ATG7: variants seen among roughly 807,000 people sequenced by gnomAD.
The protein encoded by ATG7 is ubiquitin-like modifier-activating enzyme ATG7.
A neutral mutation model predicts 82.4 loss-of-function variants in ATG7; 70 were observed. The ratio of observed to expected loss-of-function variants is 0.85; its 90% CI spans 0.70 to 1.04. ATG7 has a LOEUF of 1.04. ATG7 is among the 50% of genes least tolerant of loss of function. The pLI is 0.00. For missense variants in ATG7, 792 were observed against 864.3 expected (o/e 0.92, Z 1.05); for synonymous variants, 287 against 313.0 (o/e 0.92, Z 0.88).
chr3:11,449,612 G>A (rs2442769), intron 20 of ATG7, among the ~76,000 whole-genome samples: 135,409 of 152,204 alleles, frequency 0.89, 60,545 homozygotes, highest in East Asian at 1. Flanking sequence ...GTTATGGCTC[G>A]CTAAATCAAG....
intron 20 of ATG7, among the ~76,000 whole-genome samples, chr3:11,532,025 A>G (rs2092703176): frequency 6.6e-6 from 1 of 152,192 alleles, no homozygotes; most frequent in African/African-American, 2.4e-5. Context: ...TTTGACTTAG[A>G]AACTAAAATA....
intron 1 of ATG7, among the ~76,000 whole-genome samples, chr3:11,276,156 C>T (rs145470536): frequency 3.3e-5 from 5 of 152,314 alleles, no homozygotes; most frequent in Non-Finnish European, 5.9e-5. Context: ...TTCCTCTCCT[C>T]AACCTCCTAC....
intron 20 of ATG7, among the ~76,000 whole-genome samples, chr3:11,504,982 T>C (rs1398079723): frequency 6.6e-6 from 1 of 152,156 alleles, no homozygotes; most frequent in Non-Finnish European, 1.5e-5. Context: ...ATGGGAAATA[T>C]ATATAATGCC....
chr3:11,298,504 G>A (rs922659282), intron 3 of ATG7, among the ~76,000 whole-genome samples, 182 bp from the exon 4 acceptor site: 16 of 152,148 alleles, frequency 1.1e-4, no homozygotes, highest in South Asian at 4.1e-4. Context: ...AAATAATCAA[G>A]ATGGTAAAGT....
chr3:11,522,957 C>T (rs1379543485), intron 20 of ATG7, among the ~76,000 whole-genome samples: 1 of 152,210 alleles, frequency 6.6e-6, no homozygotes, highest in Non-Finnish European at 1.5e-5. Context: ...TGCTTTTCCT[C>T]TCTCAGCCCT....
intron 20 of ATG7, among the ~76,000 whole-genome samples, chr3:11,540,300 A>G (rs2070710987): frequency 6.6e-6 from 1 of 152,116 alleles, no homozygotes; most frequent in Non-Finnish European, 1.5e-5. Flanking sequence ...TGATGACAAC[A>G]TCTTTCCCGC....
At chr3:11,429,312 A>G (rs887465264) in intron 20 of ATG7, among the ~76,000 whole-genome samples, 1 of 152,066 alleles carries the variant, frequency 6.6e-6, no homozygotes, top group African/African-American at 2.4e-5. Flanking sequence ...CCTGGCCAAC[A>G]TGGTGAAACC....
intron 20 of ATG7, among the ~76,000 whole-genome samples, chr3:11,528,433 T>C (rs1048564309): frequency 6.6e-6 from 1 of 152,190 alleles, no homozygotes; most frequent in Non-Finnish European, 1.5e-5. Context: ...GTGTCAGCCA[T>C]CATCAGAGAC....
intron 19 of ATG7, among the ~76,000 whole-genome samples, chr3:11,413,555 A>G (rs1321039633): frequency 6.6e-6 from 1 of 152,030 alleles, no homozygotes; most frequent in African/African-American, 2.4e-5. Flanking sequence ...TCTAATATGT[A>G]GAAAACTGTA....
chr3:11,565,084 G>T, the ATG7 span: 1 of 1,361,006 alleles, frequency 7.3e-7, no homozygotes. This position sits in a 1 kb window ranked among gnomAD's most constrained non-coding sequence, Gnocchi z 4.1. Context: ...GTGACTGTGC[G>T]CCAGGCACTC....
chr3:11,424,936 A>G (rs1305837299), intron 19 of ATG7, among the ~76,000 whole-genome samples: 1 of 151,978 alleles, frequency 6.6e-6, no homozygotes, highest in Non-Finnish European at 1.5e-5. Flanking sequence ...TGTCAGTACT[A>G]TAGACCTGCC....
At position 11,431,884 on chromosome 3, in the gene ATG7, A is replaced by AT. The variant is rs141381398; in HGVS notation, c.2079+4960dup. Among the ~76,000 whole-genome samples, 274 of 152,336 alleles carry AT rather than the reference A, an allele frequency of 1.8e-3. 2 individuals carry two copies. Among genetic ancestry groups the AT allele is most frequent in the African/African-American group, 6.3e-3 (260 of 41,584 alleles). ...TATAGAAAGGGGCACATAGTAATGA[A>AT]TTGGAAGCCATATCCAAGCTAGAAT... On this transcript the variant is annotated intron_variant, in intron 20 of 20. Transcript: ENST00000693202.
At chr3:11,511,489 A>G (rs1363544271) in intron 20 of ATG7, among the ~76,000 whole-genome samples, 1 of 152,330 alleles carries the variant, frequency 6.6e-6, no homozygotes, top group East Asian at 1.9e-4. Flanking sequence ...CTAGATATAA[A>G]GACTCTCCAT....
At chr3:11,540,672 G>A (rs974392078) in intron 20 of ATG7, among the ~76,000 whole-genome samples, 1 of 151,632 alleles carries the variant, frequency 6.6e-6, no homozygotes, top group Non-Finnish European at 1.5e-5. Context: ...TTCTAGACAT[G>A]AGTTTTTTGG....
intron 6 of ATG7, among the ~76,000 whole-genome samples, chr3:11,307,818 G>A (rs908221109): frequency 6.6e-6 from 1 of 152,196 alleles, no homozygotes; most frequent in Admixed American, 6.5e-5. Flanking sequence ...GAATCTTGTT[G>A]GTGTGGGTGC....
chr3:11,296,073 T>C (rs957108791), intron 3 of ATG7, among the ~76,000 whole-genome samples: 2 of 152,200 alleles, frequency 1.3e-5, no homozygotes, highest in Non-Finnish European at 2.9e-5. Flanking sequence ...CCACCGCGCC[T>C]GGCCTACTGG....
chr3:11,288,374 A>G (rs994875007), intron 3 of ATG7, among the ~76,000 whole-genome samples: 15 of 152,164 alleles, frequency 9.9e-5, no homozygotes, highest in Non-Finnish European at 2.1e-4. Context: ...TCTTAATATG[A>G]TCCAGGCACT....
At chr3:11,460,944 A>G (rs1325208465) in intron 20 of ATG7, among the ~76,000 whole-genome samples, 1 of 152,216 alleles carries the variant, frequency 6.6e-6, no homozygotes, top group African/African-American at 2.4e-5. Flanking sequence ...AACATCCTCA[A>G]TATGTCTTTG....
At chr3:11,542,156 G>A (rs1264108852) in intron 20 of ATG7, among the ~76,000 whole-genome samples, 1 of 152,242 alleles carries the variant, frequency 6.6e-6, no homozygotes, top group Admixed American at 6.5e-5. Flanking sequence ...TCCCTCCTCT[G>A]CATGTCACTT....
Sources: gnomAD v4.1 joint callset for allele counts (sites outside exome capture counted in the v4.1 genomes callset) on GRCh38, gnomAD v4.1.1 for gene constraint, Gnocchi (gnomAD v3.1) non-coding constraint, MANE v1.5 for transcripts, NCBI Gene and HGNC (gene_info 2026-07-23, HGNC 2026-07-21) for gene names.